CNTNAP2: variants seen among roughly 807,000 people sequenced by gnomAD.
CNTNAP2 encodes the protein contactin-associated protein-like 2.
In CNTNAP2, 98 loss-of-function variants were observed where a neutral mutation model predicts 155.2. The ratio of observed to expected loss-of-function variants is 0.63; its 90% CI spans 0.54 to 0.75. CNTNAP2 has a LOEUF of 0.75. Ranked by LOEUF, CNTNAP2 falls within the 30% of genes least tolerant of loss-of-function variation. The pLI, the probability that CNTNAP2 is intolerant of heterozygous loss-of-function variation, is 0.00. For missense variants in CNTNAP2, 1,727 were observed against 1,688.1 expected (o/e 1.02, Z -0.40); for synonymous variants, 651 against 631.2 (o/e 1.03, Z -0.47).
chr7:146,538,231 C>T (rs1443816701), intron 1 of CNTNAP2, among the ~76,000 whole-genome samples: 1 of 152,016 alleles, frequency 6.6e-6, no homozygotes, highest in African/African-American at 2.4e-5. Context: ...CTATATTAAT[C>T]AACTTTAATT....
chr7:146,117,323 A>G, intron 1 of CNTNAP2: 1 of 236,430 alleles, frequency 4.2e-6, no homozygotes, highest in South Asian at 1.0e-4. Flanking sequence ...GTGAATGAAA[A>G]GTGAAGACCA....
At chr7:147,578,963 A>G (rs1010133229) in intron 12 of CNTNAP2, among the ~76,000 whole-genome samples, 9 of 152,050 alleles carry the variant, frequency 5.9e-5, no homozygotes, top group African/African-American at 2.2e-4. Context: ...AATATCTTTA[A>G]TAAATATGGA....
intron 15 of CNTNAP2, among the ~76,000 whole-genome samples, chr7:147,979,356 A>G (rs1240983817): frequency 6.6e-6 from 1 of 152,260 alleles, no homozygotes; most frequent in Non-Finnish European, 1.5e-5. Flanking sequence ...GCAATAGTAT[A>G]TATGCATTTT....
At chr7:146,417,841 ATCT>A (rs1180646948) in intron 1 of CNTNAP2, among the ~76,000 whole-genome samples, 5 of 152,294 alleles carry the variant, frequency 3.3e-5, no homozygotes, top group African/African-American at 1.2e-4. Flanking sequence ...AATCATAAAC[ATCT>A]TCACCAGAAA....
At chr7:147,539,554 G>C (rs1407076908) in intron 11 of CNTNAP2, among the ~76,000 whole-genome samples, 1 of 152,162 alleles carries the variant, frequency 6.6e-6, no homozygotes, top group Non-Finnish European at 1.5e-5. Flanking sequence ...TGAGATTCTT[G>C]AAAGCTGAAT....
chr7:147,680,251 C>G (rs560474268), intron 13 of CNTNAP2, among the ~76,000 whole-genome samples: 1 of 151,914 alleles, frequency 6.6e-6, no homozygotes, highest in African/African-American at 2.4e-5. Context: ...TTCCTGGACA[C>G]TATGGTACTG....
chr7:147,738,313 A>G (rs1796893469), intron 13 of CNTNAP2, among the ~76,000 whole-genome samples: 1 of 152,092 alleles, frequency 6.6e-6, no homozygotes, highest in Non-Finnish European at 1.5e-5. Context: ...ATTTTGAAAG[A>G]AGTTCTACTC....
At chr7:147,286,634 C>G (rs1805185864) in intron 8 of CNTNAP2, among the ~76,000 whole-genome samples, 1 of 152,080 alleles carries the variant, frequency 6.6e-6, no homozygotes, top group South Asian at 2.1e-4. Context: ...ACCTAAACCA[C>G]TGAAAGTGCA....
At chr7:147,692,146 T>G (rs2116993120) in intron 13 of CNTNAP2, among the ~76,000 whole-genome samples, 1 of 152,248 alleles carries the variant, frequency 6.6e-6, no homozygotes, top group Non-Finnish European at 1.5e-5. Context: ...TTTCATGTAA[T>G]AATATGCATT....
chr7:146,869,384 G>A (rs1453285457), intron 3 of CNTNAP2, among the ~76,000 whole-genome samples: 3 of 152,100 alleles, frequency 2.0e-5, no homozygotes, highest in Non-Finnish European at 4.4e-5. Flanking sequence ...CTTGATCATG[G>A]TAGATTCGCT....
chr7:148,371,816 G>A (rs758336499), intron 21 of CNTNAP2, among the ~76,000 whole-genome samples: 1 of 152,166 alleles, frequency 6.6e-6, no homozygotes, highest in African/African-American at 2.4e-5. Flanking sequence ...GACATGTGCA[G>A]CACGCCACTG....
At position 147,528,229 on chromosome 7, in the gene CNTNAP2, T is replaced by C. The variant is rs574284006; in HGVS notation, c.1778-33909T>C. Among the ~76,000 whole-genome samples the C allele has an allele frequency of 3.5e-4, 53 of 152,286 alleles. No homozygotes were observed. In the South Asian group the frequency reaches 0.01, roughly 30 times the overall value. ...AATTGTGGCTGAACTCAGAAGAATATTTAGGGGAGAAAAATACATGAAGTT... is the reference window on the plus strand; with the variant it reads ...AATTGTGGCTGAACTCAGAAGAATACTTAGGGGAGAAAAATACATGAAGTT... On this transcript the variant is annotated intron_variant, in intron 11 of 23. Transcript: ENST00000361727.
chr7:147,980,592 G>C (rs1019169512), intron 15 of CNTNAP2, among the ~76,000 whole-genome samples: 2 of 151,970 alleles, frequency 1.3e-5, no homozygotes, highest in Non-Finnish European at 2.9e-5. Context: ...CGAATTGCCT[G>C]GTAGCAGTCA....
rs539048838 is a variant in CNTNAP2 at position 146,665,716 on chromosome 7, G to A, written c.98-108555G>A. Among the ~76,000 whole-genome samples the A allele has an allele frequency of 7.4e-5, 10 of 135,964 alleles. No individual in the cohort carries two copies. The East Asian group carries it at 2.2e-3, about 29-fold the overall frequency. The allele number at this position is 135,964 out of a possible 152,430, so 89.2% of individuals were successfully genotyped here. A position where few individuals can be genotyped will look rare whatever the true frequency, so the allele number is the denominator to read the frequency against. ...GAATCGCTTAAACCCAGGAGGCGGA[G>A]GTGGCAGTGAGCCGAGACTGTGCCA... On this transcript the variant is annotated intron_variant, in intron 1 of 23. Transcript: ENST00000361727.
chr7:147,809,247 A>C (rs1023071225), intron 13 of CNTNAP2, among the ~76,000 whole-genome samples: 1 of 152,174 alleles, frequency 6.6e-6, no homozygotes, highest in African/African-American at 2.4e-5. Context: ...CAGTTTCAGC[A>C]CATACTAATG....
chr7:146,860,726 T>G (rs6954030), intron 3 of CNTNAP2, among the ~76,000 whole-genome samples: 48,826 of 151,896 alleles, frequency 0.32, 8,162 homozygotes, highest in African/African-American at 0.43. Context: ...TATCAAATGA[T>G]TGAAAAAAAA....
At chr7:146,824,129 A>C (rs1803353096) in intron 2 of CNTNAP2, among the ~76,000 whole-genome samples, 1 of 152,030 alleles carries the variant, frequency 6.6e-6, no homozygotes, top group African/African-American at 2.4e-5. Context: ...GAGTGAGAAC[A>C]TGTGGTGTTT....
rs183359697 is a variant in CNTNAP2, at chr7:146,726,043, T to C, written c.98-48228T>C. Among the ~76,000 whole-genome samples the C allele has an allele frequency of 3.9e-5, 6 of 152,326 alleles. No individual in the cohort carries two copies. The East Asian group carries it at 1.2e-3, about 29-fold the overall frequency. On this transcript the variant is annotated intron_variant, in intron 1 of 23. Transcript: ENST00000361727. Reference sequence around the variant, plus strand: ...GGTCAGTTATACTAGGCTTTCAACATACTTTGGGTGGACACAATAAGGACC... The same window carrying C: ...GGTCAGTTATACTAGGCTTTCAACACACTTTGGGTGGACACAATAAGGACC...
intron 20 of CNTNAP2, among the ~76,000 whole-genome samples, chr7:148,247,631 A>T (rs1182603630): frequency 7.2e-5 from 9 of 125,608 alleles, no homozygotes; most frequent in Middle Eastern, 3.6e-3. Context: ...CTCTCTATTT[A>T]TTTATTTATT....
Sources: allele counts gnomAD v4.1 joint callset (sites outside exome capture counted in the v4.1 genomes callset), GRCh38; gene constraint gnomAD v4.1.1; transcripts MANE v1.5; gene names NCBI Gene and HGNC (gene_info 2026-07-23, HGNC 2026-07-21).